The following SLC71A2 variants were observed in gnomAD, a reference collection of about 807,000 sequenced individuals.
SLC71A2 encodes the protein solute carrier family 71 member 2.
chr9:94,424,758 G>C, the SLC71A2 span, among the ~76,000 whole-genome samples: 2 of 74,410 alleles, frequency 2.7e-5, no homozygotes, highest in Non-Finnish European at 5.2e-5. Flanking sequence ...TTTATTCTTT[G>C]ATTGAGAGTC....
chr9:94,456,232 C>T, the SLC71A2 span: 1 of 1,610,930 alleles, frequency 6.2e-7, no homozygotes, highest in African/African-American at 1.3e-5. Context: ...CCTGTCCTGT[C>T]ATTGCAGGAT....
chr9:94,418,775 T>TCC, the SLC71A2 span, among the ~76,000 whole-genome samples: 1 of 139,352 alleles, frequency 7.2e-6, no homozygotes. Flanking sequence ...TTTTTTTTTT[T>TCC]CACGAGTGGG....
At chr9:94,422,399 A>T in the SLC71A2 span, among the ~76,000 whole-genome samples, 1 of 152,234 alleles carries the variant, frequency 6.6e-6, no homozygotes, top group Non-Finnish European at 1.5e-5. Flanking sequence ...CCTGGAGTCT[A>T]TTGACACAAA....
the SLC71A2 span, among the ~76,000 whole-genome samples, chr9:94,404,204 G>A: frequency 6.6e-6 from 1 of 152,232 alleles, no homozygotes; most frequent in Non-Finnish European, 1.5e-5. Context: ...GATTAAGACA[G>A]TAGCCATCCT....
At chr9:94,438,216 G>T in the SLC71A2 span, among the ~76,000 whole-genome samples, 5,274 of 152,268 alleles carry the variant, frequency 0.035, 132 homozygotes, top group Non-Finnish European at 0.055. Flanking sequence ...GGGATTACAG[G>T]CATGAGCCAC....
chr9:94,459,442 C>CCATCT, the SLC71A2 span: 3 of 1,610,148 alleles, frequency 1.9e-6, no homozygotes. Context: ...TCTGCATACG[C>CCATCT]CATCTCTGAG....
the SLC71A2 span, among the ~76,000 whole-genome samples, chr9:94,382,397 G>C: frequency 6.6e-6 from 1 of 151,228 alleles, no homozygotes; most frequent in Non-Finnish European, 1.5e-5. Flanking sequence ...CCTATTTTTT[G>C]TTGTTGTTGT....
chr9:94,395,325 T>C, the SLC71A2 span, among the ~76,000 whole-genome samples: 1 of 152,202 alleles, frequency 6.6e-6, no homozygotes, highest in South Asian at 2.1e-4. Context: ...TAGACAGTTA[T>C]ATTCTTGATT....
the SLC71A2 span, among the ~76,000 whole-genome samples, chr9:94,379,047 A>G: frequency 7.8e-6 from 1 of 128,666 alleles, no homozygotes; most frequent in Non-Finnish European, 1.7e-5. Flanking sequence ...ATGACCTCGT[A>G]GGCTCTTTTC....
chr9:94,390,712 T>A, the SLC71A2 span, among the ~76,000 whole-genome samples: 1 of 152,216 alleles, frequency 6.6e-6, no homozygotes, highest in African/African-American at 2.4e-5. Flanking sequence ...TATGTAATAC[T>A]TTGTTAAATT....
chr9:94,388,329 G>A, the SLC71A2 span, among the ~76,000 whole-genome samples: 3 of 152,014 alleles, frequency 2.0e-5, no homozygotes, highest in Admixed American at 6.6e-5. Flanking sequence ...ATACTCCTTG[G>A]GTGGGAAACT....
At chr9:94,409,287 A>G in the SLC71A2 span, among the ~76,000 whole-genome samples, 1 of 146,176 alleles carries the variant, frequency 6.8e-6, no homozygotes, top group East Asian at 2.0e-4. Context: ...CTATAGGTGT[A>G]TGTGCCACCA....
the SLC71A2 span, among the ~76,000 whole-genome samples, chr9:94,386,583 TTCTC>T: frequency 4.0e-5 from 6 of 151,308 alleles, no homozygotes; most frequent in African/African-American, 7.3e-5. Context: ...ATCTCTGGGC[TTCTC>T]TCTCTCTCTC....
the SLC71A2 span, among the ~76,000 whole-genome samples, chr9:94,377,706 G>A: frequency 6.6e-6 from 1 of 151,590 alleles, no homozygotes; most frequent in African/African-American, 2.4e-5. Flanking sequence ...ACCTTATTTG[G>A]CAAAGAGATA....
chr9:94,419,566 A>C, the SLC71A2 span, among the ~76,000 whole-genome samples: 97 of 152,036 alleles, frequency 6.4e-4, no homozygotes, highest in Non-Finnish European at 8.4e-4. Flanking sequence ...CGGCCTCCCA[A>C]AGTGCTGGGA....
the SLC71A2 span, among the ~76,000 whole-genome samples, chr9:94,410,270 A>G: frequency 3.3e-5 from 5 of 151,622 alleles, no homozygotes; most frequent in African/African-American, 1.2e-4. Flanking sequence ...TAATTTTTAA[A>G]TTTTTTGGAG....
At chr9:94,420,960 G>A in the SLC71A2 span, among the ~76,000 whole-genome samples, 2 of 152,104 alleles carry the variant, frequency 1.3e-5, no homozygotes, top group African/African-American at 4.8e-5. Flanking sequence ...CAAACCATTA[G>A]AGGGTTCCTA....
chr9:94,441,165 T>C, the SLC71A2 span: 1 of 867,996 alleles, frequency 1.2e-6, no homozygotes. Context: ...AGAAATTTAC[T>C]GGAAAGTGAG....
chr9:94,385,717 C>T, the SLC71A2 span, among the ~76,000 whole-genome samples: 3 of 152,146 alleles, frequency 2.0e-5, no homozygotes, highest in South Asian at 2.1e-4. Context: ...TATGTCTATC[C>T]TTAAGCAAGT....
Sources: allele counts gnomAD v4.1 joint callset (sites outside exome capture counted in the v4.1 genomes callset), GRCh38; gene constraint gnomAD v4.1.1; transcripts MANE v1.5; gene names NCBI Gene and HGNC (gene_info 2026-07-23, HGNC 2026-07-21).